KLK6: variants seen among roughly 807,000 people sequenced by gnomAD.
KLK6 encodes kallikrein related peptidase 6.
KLK6 carries 16 observed loss-of-function variants against 21.7 expected under a neutral mutation model. The ratio of observed to expected loss-of-function variants is 0.74; its 90% CI spans 0.50 to 1.12. KLK6 has a LOEUF of 1.12. Ranked by LOEUF, KLK6 falls within the 50% of genes most tolerant of loss-of-function variation. The pLI, the probability that KLK6 is intolerant of heterozygous loss-of-function variation, is 0.00. For missense variants in KLK6, 276 were observed against 304.6 expected, an observed-to-expected ratio of 0.91 and a Z score of 0.70; for synonymous variants, 116 against 120.1, an observed-to-expected ratio of 0.97 and a Z score of 0.22.
chr19:50,963,273 C>T (rs751366136), intron 5 of KLK6, 29 bp downstream of exon 5: 1 of 1,600,002 alleles, frequency 6.2e-7, no homozygotes, highest in Non-Finnish European at 8.5e-7. Context: ...AGCCAGTAGC[C>T]TGCTCCCCAC....
Position 50,959,103 on chromosome 19 carries a change from G to C in KLK6, c.*61C>G. The C allele has an allele frequency of 6.3e-7, 1 of 1,594,850 alleles. No individual in the cohort carries two copies. Among genetic ancestry groups the C allele is most frequent in the Non-Finnish European group, 8.6e-7 (1 of 1,163,808 alleles). On this transcript the variant is annotated 3_prime_UTR_variant, in exon 7 of 7. Coordinates refer to ENST00000310157, the MANE Select transcript of KLK6 (RefSeq NM_002774.4). ...AGGAGGGGAGGCAAGGTCTAGGTGA[G>C]AGACGTTCTGGAACCAGCCAGTGGG...
At chr19:50,966,282 C>T (rs1012946060) in intron 4 of KLK6, among the ~76,000 whole-genome samples, 2 of 152,214 alleles carry the variant, frequency 1.3e-5, no homozygotes, top group South Asian at 2.1e-4. Flanking sequence ...GGAAGCCAGC[C>T]GTGCTTCTTC....
At chr19:50,967,511 C>CCACACACACACA (rs146062864) in intron 3 of KLK6, among the ~76,000 whole-genome samples, 186 bp from the exon 4 acceptor site, 10,416 of 125,384 alleles carry the variant, frequency 0.083, 750 homozygotes, top group African/African-American at 0.17. Context: ...GACCTCATCT[C>CCACACACACACA]CACACACACA....
rs569254944 is a variant in KLK6, at chr19:50,963,713, T to C, written c.198-164A>G. The C allele has an allele frequency of 5.4e-6, 4 of 738,970 alleles. No homozygotes were observed. The East Asian group carries it at 1.1e-4, about 20-fold the overall frequency. 45.8% of individuals were successfully genotyped at this position (738,970 alleles called of 1,614,324 possible). A position where few individuals can be genotyped will look rare whatever the true frequency, so the allele number is the denominator to read the frequency against. ...TCAGAATAATCTTGGGGGCTATTCT[T>C]CACTCTCTTTATTTCATGCCCTACA... On this transcript the variant is annotated intron_variant, in intron 4 of 6. Transcript: ENST00000310157.
chr19:50,959,881 G>T (rs1235153118), intron 6 of KLK6, among the ~76,000 whole-genome samples: 1 of 53,134 alleles, frequency 1.9e-5, no homozygotes, highest in African/African-American at 1.1e-4. Flanking sequence ...GGAGGAAGAG[G>T]AGGAGGAGGA....
chr19:50,965,806 C>T (rs981500099), intron 4 of KLK6, among the ~76,000 whole-genome samples: 4 of 152,168 alleles, frequency 2.6e-5, no homozygotes, highest in African/African-American at 9.7e-5. Context: ...TTCCCTGCAC[C>T]TCAGTTTCCT....
chr19:50,968,256 G>C, intron 2 of KLK6, 144 bp from the exon 3 acceptor site: 1 of 748,826 alleles, frequency 1.3e-6, no homozygotes, highest in Non-Finnish European at 2.4e-6. Flanking sequence ...CTAGCCTCCT[G>C]ATTTATTCTT....
Position 50,959,147 on chromosome 19 carries a change from G to T in KLK6, c.*17C>A, listed in dbSNP as rs1600084176. The T allele has an allele frequency of 6.2e-7, 1 of 1,614,066 alleles. No individual in the cohort carries two copies. Among genetic ancestry groups the T allele is most frequent in the Non-Finnish European group, 8.5e-7 (1 of 1,179,946 alleles). On this transcript the variant is annotated 3_prime_UTR_variant, in exon 7 of 7. Coordinates refer to ENST00000310157, the MANE Select transcript of KLK6 (RefSeq NM_002774.4). ...CAGTGGGGTGGTAGGTCGGGAGGTAGATGTCACATGTCAGGGTCACTTGGC... is the reference window on the plus strand; with the variant it reads ...CAGTGGGGTGGTAGGTCGGGAGGTATATGTCACATGTCAGGGTCACTTGGC...
At position 50,958,935 on chromosome 19, in the gene KLK6, G is replaced by C; in HGVS notation, c.*229C>G. 1 of 558,382 alleles carries C rather than the reference G, an allele frequency of 1.8e-6. No homozygotes were observed. Among genetic ancestry groups the C allele is most frequent in the Non-Finnish European group, 3.2e-6 (1 of 310,818 alleles). 34.6% of individuals were successfully genotyped at this position (558,382 alleles called of 1,614,324 possible). A position where few individuals can be genotyped will look rare whatever the true frequency, so the allele number is the denominator to read the frequency against. ...GGGATTTTCCTGTATTCTCTTAGTG[G>C]TGGGGGTAAGACCGAGGACCCAAGT... On this transcript the variant is annotated 3_prime_UTR_variant, in exon 7 of 7. Coordinates refer to ENST00000310157, the MANE Select transcript of KLK6 (RefSeq NM_002774.4).
At position 50,960,206 on chromosome 19, in the gene KLK6, A is replaced by G. The variant is rs1479845618; in HGVS notation, c.583-890T>C. ...AGGTAGGGAGGGCCCAGGGAGAGATATGCCTGGCACTATTCTGTCCAGGGA... is the reference window on the plus strand; with the variant it reads ...AGGTAGGGAGGGCCCAGGGAGAGATGTGCCTGGCACTATTCTGTCCAGGGA... On this transcript the variant is annotated intron_variant, in intron 6 of 6. Transcript: ENST00000310157. 8.7e-5 allele frequency among the ~76,000 whole-genome samples: 13 copies of G among 149,542 alleles called. 1 individual carries two copies. In the East Asian group the frequency reaches 2.6e-3, roughly 30 times the overall value.
At chr19:50,967,460 T>G (rs79880520) in intron 3 of KLK6, 135 bp from the exon 4 acceptor site, 37,228 of 797,580 alleles carry the variant, frequency 0.047, 1,475 homozygotes, top group East Asian at 0.18. Context: ...GGAGGATCGC[T>G]TGAGCCCAGG....
intron 6 of KLK6, among the ~76,000 whole-genome samples, chr19:50,960,178 G>C (rs1008443363): frequency 6.0e-5 from 9 of 149,452 alleles, no homozygotes; most frequent in African/African-American, 2.2e-4. Flanking sequence ...ACCCAGGTGG[G>C]AGAGGTAGGG....
chr19:50,963,774 G>A, intron 4 of KLK6: 1 of 550,500 alleles, frequency 1.8e-6, no homozygotes, highest in Middle Eastern at 5.0e-4. Flanking sequence ...CCTCTCTGAA[G>A]CATATCCAGA....
At chr19:50,968,401 T>G in intron 2 of KLK6, 140 bp downstream of exon 2, 1 of 497,916 alleles carries the variant, frequency 2.0e-6, no homozygotes, top group Non-Finnish European at 3.7e-6. Context: ...CTGATTTGCC[T>G]TCCTGTCGAC....
Position 50,959,190 on chromosome 19 carries a change from T to C in KLK6, c.709A>G (p.Ile237Val). 6.2e-7 allele frequency: 1 copy of C among 1,614,056 alleles called. No individual in the cohort carries two copies. The highest frequency in any genetic ancestry group is 8.5e-7 in the Non-Finnish European group (1 of 1,179,996). ...YTNVCRYTNW[I>V]QKTIQAK ...CACTTGGCCTGAATGGTTTTTTGGATCCAGTTCGTGTATCTGCAGACGTTG... is the reference window on the plus strand; with the variant it reads ...CACTTGGCCTGAATGGTTTTTTGGACCCAGTTCGTGTATCTGCAGACGTTG... Residue 237 changes from isoleucine (I) to valine (V), a missense_variant, in exon 7 of 7, where the codon ATC (isoleucine) becomes GTC (valine). Ile to Val is a conservative substitution (Grantham distance 29). Transcript: ENST00000310157.
chr19:50,963,280 C>A (rs1461336718), intron 5 of KLK6, 22 bp downstream of exon 5: 1 of 1,603,182 alleles, frequency 6.2e-7, no homozygotes, highest in Non-Finnish European at 8.5e-7. Flanking sequence ...AGCCTGCTCC[C>A]CACCAGCCTC....
Position 50,963,338 on chromosome 19 carries a change from T to C in KLK6, c.409A>G (p.Ser137Gly). 1 of 1,614,066 alleles carries C rather than the reference T, an allele frequency of 6.2e-7. No homozygotes were observed. Among genetic ancestry groups the C allele is most frequent in the Non-Finnish European group, 8.5e-7 (1 of 1,179,956 alleles). Residue 137 changes from serine to glycine, a missense_variant, in exon 5 of 7, where the codon AGC (serine) becomes GGC (glycine). Coordinates refer to ENST00000310157, the MANE Select transcript of KLK6 (RefSeq NM_002774.4). ...TTGCCCCAGCCCAGGATGTGGCAGC[T>C]GGTGGTGTTGGCTGAGCAGTCCCTC... Reference protein sequence around the residue: ...LERDCSANTTSCHILGWGKTA... With the variant: ...LERDCSANTTGCHILGWGKTA...
chr19:50,966,390 C>T (rs2090926180), intron 4 of KLK6, among the ~76,000 whole-genome samples: 1 of 152,220 alleles, frequency 6.6e-6, no homozygotes, highest in Non-Finnish European at 1.5e-5. Context: ...CTGCGACCGC[C>T]TGGGTTCAAG....
Position 50,959,139 on chromosome 19 carries a change from G to A in KLK6, c.*25C>T, listed in dbSNP as rs200446937. On this transcript the variant is annotated 3_prime_UTR_variant, in exon 7 of 7. Coordinates refer to ENST00000310157, the MANE Select transcript of KLK6 (RefSeq NM_002774.4). ...GAACCAGCCAGTGGGGTGGTAGGTC[G>A]GGAGGTAGATGTCACATGTCAGGGT... is the stretch of plus-strand genomic sequence containing the variant. 58 of 1,613,630 alleles carry A rather than the reference G, an allele frequency of 3.6e-5. No homozygotes were observed. The highest frequency in any genetic ancestry group is 1.7e-4 in the Admixed American group (10 of 59,958).
Sources: allele counts gnomAD v4.1 joint callset (sites outside exome capture counted in the v4.1 genomes callset), GRCh38; gene constraint gnomAD v4.1.1; transcripts MANE v1.5; gene names NCBI Gene and HGNC (gene_info 2026-07-23, HGNC 2026-07-21).